KIAA1671: variants seen among roughly 807,000 people sequenced by gnomAD.
KIAA1671 encodes uncharacterized protein KIAA1671.
In KIAA1671, 52 loss-of-function variants were observed where a neutral mutation model predicts 131.2. That is an observed-to-expected ratio of 0.40 (90% CI 0.32 to 0.50). The LOEUF is 0.50. Ranked by LOEUF, KIAA1671 falls within the 20% of genes least tolerant of loss-of-function variation. KIAA1671 has a pLI of 0.73. For missense variants in KIAA1671, 2,360 were observed against 2,364.2 expected (o/e 1.00, Z 0.04); for synonymous variants, 1,003 against 961.6 (o/e 1.04, Z -0.80).
In KIAA1671 at chr22:25,028,277, C is replaced by A. The variant is rs895263959; in HGVS notation, c.278C>A (p.Pro93His). The change falls in exon 3 of 13, where the codon CCC becomes CAC. Residue 93 changes from proline (P) to histidine (H), a missense_variant. By Grantham distance (77) the Pro-to-His change is moderately conservative. Transcript: ENST00000358431. Reference protein sequence around the residue: ...SLRPSSTGPSPSGGLSEEPAA... With the variant: ...SLRPSSTGPSHSGGLSEEPAA... ...CGGCCCAGTTCGACTGGACCTTCCC[C>A]CTCTGGGGGGCTCTCTGAGGAGCCA... 2 of 1,551,376 alleles carry A rather than the reference C, an allele frequency of 1.3e-6. No individual in the cohort carries two copies. Among genetic ancestry groups the A allele is most frequent in the Admixed American group, 3.9e-5 (2 of 50,982 alleles).
chr22:25,119,144 G>A (rs1386478697), intron 6 of KIAA1671, among the ~76,000 whole-genome samples: 1 of 152,194 alleles, frequency 6.6e-6, no homozygotes, highest in African/African-American at 2.4e-5. Flanking sequence ...CAGTGGCTAG[G>A]AGCTCACAGA....
chr22:25,069,248 C>G (rs1258686951), intron 6 of KIAA1671, among the ~76,000 whole-genome samples: 1 of 152,152 alleles, frequency 6.6e-6, no homozygotes, highest in Non-Finnish European at 1.5e-5. Flanking sequence ...GTTGAATCCT[C>G]AAAGCCCTGA....
intron 6 of KIAA1671, among the ~76,000 whole-genome samples, chr22:25,145,896 C>T (rs1452100106): frequency 6.6e-6 from 1 of 151,300 alleles, no homozygotes; most frequent in Admixed American, 6.6e-5. Flanking sequence ...GCTATGATCA[C>T]GCCACTGTAC....
rs943346065 is a variant in KIAA1671 at position 25,170,852 on chromosome 22, C to T, written c.4563C>T (p.Pro1521=). The T allele has an allele frequency of 1.9e-6, 3 of 1,551,674 alleles. No homozygotes were observed. The highest frequency in any genetic ancestry group is 2.6e-6 in the Non-Finnish European group (3 of 1,146,996). Residue 1521 remains proline, a synonymous_variant, in exon 7 of 13, where the codon CCC becomes CCT. Transcript: ENST00000358431. ...TGAAGCAGTGTTTCTCCCGGCAGCC[C>T]ACTGAACCCAAGGACACTGACACCC... ...DQLKQCFSRQ[P]TEPKDTDTLV...
intron 6 of KIAA1671, among the ~76,000 whole-genome samples, chr22:25,122,091 A>G (rs1931972953): frequency 6.6e-6 from 1 of 152,170 alleles, no homozygotes; most frequent in Non-Finnish European, 1.5e-5. Flanking sequence ...AATGAGGCCA[A>G]TAATATTATT....
intron 1 of KIAA1671, among the ~76,000 whole-genome samples, chr22:24,956,821 G>A (rs949487076): frequency 1.5e-4 from 22 of 148,120 alleles, no homozygotes; most frequent in Non-Finnish European, 2.8e-4. Context: ...ACAGTGAGCC[G>A]AGATAGTGCC....
intron 6 of KIAA1671, among the ~76,000 whole-genome samples, chr22:25,067,351 T>C (rs1371098064): frequency 6.6e-6 from 1 of 152,048 alleles, no homozygotes; most frequent in Non-Finnish European, 1.5e-5. Context: ...TCCCCGGCTG[T>C]TCCTGGTGCT....
chr22:25,155,035 C>T (rs190729144), intron 6 of KIAA1671, among the ~76,000 whole-genome samples: 2,657 of 152,330 alleles, frequency 0.017, 32 homozygotes, highest in Non-Finnish European at 0.03. Context: ...CCCTCTCCCC[C>T]ACTCTGTCTG....
intron 6 of KIAA1671, among the ~76,000 whole-genome samples, chr22:25,068,526 T>C (rs1928619128): frequency 6.6e-6 from 1 of 152,060 alleles, no homozygotes; most frequent in Non-Finnish European, 1.5e-5. Flanking sequence ...AAGCTCCGCC[T>C]ACCGGGTTCA....
At chr22:25,099,423 G>A (rs964586125) in intron 6 of KIAA1671, among the ~76,000 whole-genome samples, 1 of 151,708 alleles carries the variant, frequency 6.6e-6, no homozygotes, top group Admixed American at 6.6e-5. Flanking sequence ...CACACAATAT[G>A]TCCTGTCAGC....
chr22:25,002,649 C>G (rs1033862956), intron 1 of KIAA1671, among the ~76,000 whole-genome samples: 2 of 152,164 alleles, frequency 1.3e-5, no homozygotes, highest in East Asian at 3.8e-4. Context: ...CTTTCTGCAT[C>G]TAGAGGTGAA....
chr22:25,026,074 T>C (rs1288290378), intron 2 of KIAA1671, among the ~76,000 whole-genome samples: 1 of 152,230 alleles, frequency 6.6e-6, no homozygotes, highest in African/African-American at 2.4e-5. Flanking sequence ...TCTTCATATC[T>C]GTCCCTCCAT....
chr22:25,041,331 G>A lies in KIAA1671; in HGVS notation c.4201G>A (p.Val1401Met). 6.4e-7 allele frequency: 1 copy of A among 1,551,712 alleles called. No individual in the cohort carries two copies. Among genetic ancestry groups the A allele is most frequent in the Admixed American group, 2.0e-5 (1 of 51,010 alleles). ...WGDHPRDCGR[V>M]PLDIKRAYSE... ...TGACCACCCACGTGACTGTGGACGGGTGCCGCTGGATATCAAGAGGGCCTA... is the reference window on the plus strand; with the variant it reads ...TGACCACCCACGTGACTGTGGACGGATGCCGCTGGATATCAAGAGGGCCTA... The change falls in exon 5 of 13, where the codon GTG becomes ATG. Residue 1401 changes from valine to methionine, a missense_variant. Coordinates refer to ENST00000358431, the MANE Select transcript of KIAA1671 (RefSeq NM_001145206.2).
At chr22:25,162,957 T>C (rs559494951) in intron 6 of KIAA1671, among the ~76,000 whole-genome samples, 1 of 152,326 alleles carries the variant, frequency 6.6e-6, no homozygotes, top group Non-Finnish European at 1.5e-5. Flanking sequence ...TAACTTATGA[T>C]GTGTACATAT....
intron 1 of KIAA1671, among the ~76,000 whole-genome samples, chr22:25,007,012 G>A (rs1438098460): frequency 1.4e-5 from 2 of 148,016 alleles, no homozygotes; most frequent in African/African-American, 5.0e-5. Flanking sequence ...TCTACTGAAA[G>A]CTCTTCTTCT....
At chr22:25,103,655 G>A (rs745771601) in intron 6 of KIAA1671, among the ~76,000 whole-genome samples, 2 of 152,156 alleles carry the variant, frequency 1.3e-5, no homozygotes, top group Admixed American at 6.6e-5. Context: ...ACTGCACCTG[G>A]CCTTTTTTTT....
intron 9 of KIAA1671, chr22:25,179,276 T>C (rs1934170926): frequency 2.6e-6 from 4 of 1,557,452 alleles, no homozygotes; most frequent in Non-Finnish European, 3.5e-6. Context: ...GAACGTGTTC[T>C]CTCGCAGGAT....
At chr22:25,093,761 TC>T (rs2145882924) in intron 6 of KIAA1671, among the ~76,000 whole-genome samples, 4 of 114,690 alleles carry the variant, frequency 3.5e-5, no homozygotes, top group African/African-American at 1.1e-4. Flanking sequence ...TCTCTCTCTC[TC>T]TCTCTGTCTC....
chr22:25,164,978 C>CGTGTGTGCGT (rs1555884275), intron 6 of KIAA1671, among the ~76,000 whole-genome samples: 5 of 116,584 alleles, frequency 4.3e-5, no homozygotes, highest in African/African-American at 1.6e-4. Flanking sequence ...GAGTTGCAGG[C>CGTGTGTGCGT]GTGTGTGTGT....
Sources: gnomAD v4.1 joint callset for allele counts (sites outside exome capture counted in the v4.1 genomes callset) on GRCh38, gnomAD v4.1.1 for gene constraint, MANE v1.5 for transcripts, NCBI Gene and HGNC (gene_info 2026-07-23, HGNC 2026-07-21) for gene names.